Variants in MAEL observed in about 807,000 individuals in gnomAD.
MAEL encodes maelstrom spermatogenic transposon silencer, also known as protein maelstrom homolog.
Under a neutral mutation model 62.0 loss-of-function variants are expected in MAEL, and 46 were observed. The ratio of observed to expected loss-of-function variants is 0.74; its 90% confidence interval spans 0.59 to 0.95. MAEL has a LOEUF of 0.95. MAEL is among the 40% of genes least tolerant of loss of function. The pLI is 0.00. For synonymous variants in MAEL, 172 were observed against 175.5 expected, an observed-to-expected ratio of 0.98 and a Z score of 0.16; for missense variants, 497 against 526.8, an observed-to-expected ratio of 0.94 and a Z score of 0.55.
At chr1:166,997,790 A>T (rs1348017767) in intron 5 of MAEL, among the ~76,000 whole-genome samples, 1 of 152,132 alleles carries the variant, frequency 6.6e-6, no homozygotes, top group East Asian at 1.9e-4. Context: ...CTTTACCCCA[A>T]GGTTGTGAAA....
intron 4 of MAEL, among the ~76,000 whole-genome samples, 185 bp from the exon 5 acceptor site, chr1:166,993,843 A>T (rs1039038662): frequency 1.3e-5 from 2 of 152,174 alleles, no homozygotes; most frequent in African/African-American, 2.4e-5. Context: ...TAGACAATAT[A>T]CCAAATTCTT....
intron 6 of MAEL, among the ~76,000 whole-genome samples, 163 bp downstream of exon 6, chr1:167,004,467 A>T (rs1011027101): frequency 6.6e-6 from 1 of 151,680 alleles, no homozygotes; most frequent in African/African-American, 2.4e-5. Context: ...TGCCTATTTT[A>T]AAAATGTCTC....
At chr1:166,997,474 TTG>T (rs1482032307) in intron 5 of MAEL, among the ~76,000 whole-genome samples, 1 of 152,204 alleles carries the variant, frequency 6.6e-6, no homozygotes, top group Non-Finnish European at 1.5e-5. Flanking sequence ...TGTTTTCAGT[TTG>T]TGTCTTGTAT....
chr1:166,984,178 T>G (rs993732214), upstream of MAEL, among the ~76,000 whole-genome samples: 1 of 152,072 alleles, frequency 6.6e-6, no homozygotes, highest in African/African-American at 2.4e-5. Flanking sequence ...ATCCTAGGAC[T>G]CCTCCTTTTT....
intron 5 of MAEL, among the ~76,000 whole-genome samples, chr1:167,000,421 A>G (rs974380820): frequency 1.3e-5 from 2 of 152,244 alleles, no homozygotes; most frequent in African/African-American, 4.8e-5. Flanking sequence ...CAGTCTCACA[A>G]TAAAACTTGA....
chr1:166,989,792 C>T lies in MAEL; in HGVS notation c.188C>T (p.Ala63Val). The change falls in exon 2 of 12, where the codon GCC becomes GTC. Residue 63 changes from alanine (A) to valine (V), a missense_variant. By Grantham distance (64) the Ala-to-Val change is moderately conservative. Transcript: ENST00000367872. ...KYAEMAREWR[A>V]AQGKDPGPSE... is the part of the protein sequence containing the mutation. ...GCAGAAATGGCTCGAGAATGGAGGG[C>T]CGCTCAGGGAAAGGACCCTGGGCCC... The T allele has an allele frequency of 1.9e-6, 3 of 1,613,830 alleles. No individual in the cohort carries two copies. Among genetic ancestry groups the T allele is most frequent in the Non-Finnish European group, 2.5e-6 (3 of 1,179,960 alleles).
At chr1:166,976,599 A>C (rs1663589453) in intron 1 of MAEL, among the ~76,000 whole-genome samples, 1 of 152,202 alleles carries the variant, frequency 6.6e-6, no homozygotes, top group Non-Finnish European at 1.5e-5. Context: ...TGCAGAAAGC[A>C]CAAGATTTGA....
upstream of MAEL, among the ~76,000 whole-genome samples, chr1:166,987,921 T>C (rs1179258992): frequency 6.6e-6 from 1 of 152,144 alleles, no homozygotes; most frequent in Non-Finnish European, 1.5e-5. Flanking sequence ...ATCTATACAG[T>C]TCAATATTAC....
intron 10 of MAEL, 38 bp downstream of exon 10, chr1:167,017,997 G>C (rs1665467612): frequency 1.2e-6 from 2 of 1,604,618 alleles, no homozygotes; most frequent in African/African-American, 1.3e-5. Context: ...GGTCTCTTTA[G>C]CTGTTCTACT....
At chr1:167,021,304 T>G in intron 11 of MAEL, 144 bp downstream of exon 11, 2 of 655,984 alleles carry the variant, frequency 3.0e-6, no homozygotes, top group Non-Finnish European at 5.3e-6. Context: ...TATTTGGCAT[T>G]AGCACCTTAA....
chr1:167,000,216 C>T lies in MAEL; in HGVS notation c.524-3964C>T, dbSNP rs569469743. On this transcript the variant is annotated intron_variant, in intron 5 of 11. Transcript: ENST00000367872. ...AATCTAAGCAAAGTAAATGGAAAAC[C>T]TGAAAAGGATTCACCATTCTAGATG... Among the ~76,000 whole-genome samples, 22 of 152,114 alleles carry T rather than the reference C, an allele frequency of 1.4e-4. No individual in the cohort carries two copies. The South Asian group carries it at 4.6e-3, about 32-fold the overall frequency.
intron 10 of MAEL, 84 bp downstream of exon 10, chr1:167,018,043 C>G (rs1571280492): frequency 2.2e-6 from 3 of 1,365,888 alleles, no homozygotes; most frequent in Non-Finnish European, 3.0e-6. Flanking sequence ...AAAAGATCAG[C>G]CTTTGTTTGG....
chr1:166,975,813 C>G (rs1663558786), intron 1 of MAEL: 1 of 152,070 alleles, frequency 6.6e-6, no homozygotes, highest in South Asian at 2.1e-4. Flanking sequence ...GCTCGGGAAC[C>G]CGGGCGAGAA....
At chr1:166,997,922 A>G (rs1025568886) in intron 5 of MAEL, among the ~76,000 whole-genome samples, 20 of 152,184 alleles carry the variant, frequency 1.3e-4, no homozygotes, top group African/African-American at 4.8e-4. Context: ...CCATGTGGAT[A>G]ATCATTTATC....
intron 6 of MAEL, 109 bp downstream of exon 6, chr1:167,004,413 A>T: frequency 1.1e-6 from 1 of 947,712 alleles, no homozygotes; most frequent in South Asian, 2.3e-5. Flanking sequence ...TGTGTGTCTT[A>T]AAACACACTC....
Position 167,021,094 on chromosome 1 carries a change from G to T in MAEL, c.1051G>T (p.Val351Phe), listed in dbSNP as rs978043822. 2 of 1,611,478 alleles carry T rather than the reference G, an allele frequency of 1.2e-6. No individual in the cohort carries two copies. Among genetic ancestry groups the T allele is most frequent in the Non-Finnish European group, 1.7e-6 (2 of 1,178,050 alleles). The change falls in exon 11 of 12, where the codon GTT (valine) becomes TTT (phenylalanine). Residue 351 changes from valine (V) to phenylalanine (F), a missense_variant. Val to Phe is a conservative substitution (Grantham distance 50). Coordinates refer to ENST00000367872, the MANE Select transcript of MAEL (RefSeq NM_032858.3). ...TTCCTGTTACTTACAGAAGCTAAGGGTTGGGAGTTCAGGATTCTCTCATTT... is the reference window on the plus strand; with the variant it reads ...TTCCTGTTACTTACAGAAGCTAAGGTTTGGGAGTTCAGGATTCTCTCATTT... Reference protein sequence around the residue: ...LDAGRYQKLRVGSSGFSHFNS... With the variant: ...LDAGRYQKLRFGSSGFSHFNS...
intron 1 of MAEL, among the ~76,000 whole-genome samples, chr1:166,976,930 C>A (rs1238148766): frequency 2.6e-5 from 4 of 152,230 alleles, no homozygotes; most frequent in African/African-American, 9.6e-5. Context: ...CCCTGACCAT[C>A]CCAGCTGGAA....
intron 8 of MAEL, 157 bp downstream of exon 8, chr1:167,005,554 T>A: frequency 1.6e-6 from 1 of 624,886 alleles, no homozygotes. Context: ...TAGTAAGATA[T>A]ATTGTTACTT....
intron 9 of MAEL, among the ~76,000 whole-genome samples, 186 bp from the exon 10 acceptor site, chr1:167,017,641 G>C (rs1298874904): frequency 6.6e-6 from 1 of 152,152 alleles, no homozygotes; most frequent in Non-Finnish European, 1.5e-5. Context: ...TTGCTTAGCA[G>C]TAATAACCTG....
Sources: gnomAD v4.1 joint callset for allele counts (sites outside exome capture counted in the v4.1 genomes callset) on GRCh38, gnomAD v4.1.1 for gene constraint, MANE v1.5 for transcripts, NCBI Gene and HGNC (gene_info 2026-07-23, HGNC 2026-07-21) for gene names.